The following USP40 variants were observed in gnomAD, a reference collection of about 807,000 sequenced individuals.
The protein encoded by USP40 is ubiquitin specific peptidase 40, also known as ubiquitin carboxyl-terminal hydrolase 40.
Under a neutral mutation model 166.2 loss-of-function variants are expected in USP40, and 143 were observed. That is an observed-to-expected ratio of 0.86 (90% CI 0.75 to 0.99). The LOEUF (loss-of-function observed/expected upper bound fraction) is 0.99, where lower values mean the gene tolerates loss of function less well. Ranked by LOEUF, USP40 falls within the 50% of genes least tolerant of loss-of-function variation. The pLI is 0.00. For missense variants in USP40, 1,444 were observed against 1,479.7 expected (o/e 0.98, Z 0.40); for synonymous variants, 498 against 524.0 (o/e 0.95, Z 0.68).
At chr2:233,499,946 T>C in intron 21 of USP40, 31 bp from the exon 22 acceptor site, 1 of 1,602,498 alleles carries the variant, frequency 6.2e-7, no homozygotes, top group African/African-American at 1.3e-5. Flanking sequence ...CAATGTTAGT[T>C]TTCTGTTTCT....
chr2:233,506,780 A>G (rs2066447808), intron 21 of USP40, among the ~76,000 whole-genome samples: 1 of 151,058 alleles, frequency 6.6e-6, no homozygotes. Flanking sequence ...GCATAGTAGC[A>G]TATACCTGCG....
At chr2:233,504,017 T>C (rs1306557057) in intron 21 of USP40, among the ~76,000 whole-genome samples, 1 of 152,004 alleles carries the variant, frequency 6.6e-6, no homozygotes, top group Non-Finnish European at 1.5e-5. Context: ...AAAATATAAA[T>C]TGTAGAGGGA....
In USP40 at chr2:233,556,933, G is replaced by A; in HGVS notation, c.468C>T (p.Asp156=). ...ETSLVGTSGH[D]LIYRLYHGTI... ...TTCCATGGTACAGACGATAGATGAG[G>A]TCATGACCGGAGGTCCCAACTAAAG... is the stretch of plus-strand genomic sequence containing the variant. The change falls in exon 5 of 32, where the codon GAC becomes GAT. Residue 156 remains aspartate, a synonymous_variant. Coordinates refer to ENST00000678225, the MANE Select transcript of USP40 (RefSeq NM_001365479.2). 27 of 1,613,950 alleles carry A rather than the reference G, an allele frequency of 1.7e-5. No homozygotes were observed. The highest frequency in any genetic ancestry group is 2.2e-5 in the Non-Finnish European group (26 of 1,179,838).
intron 31 of USP40, 146 bp downstream of exon 31, chr2:233,481,057 G>C: frequency 1.4e-6 from 1 of 690,548 alleles, no homozygotes; most frequent in Middle Eastern, 2.8e-4. Context: ...AACGCAGGGG[G>C]CGGAGAAGGA....
intron 12 of USP40, among the ~76,000 whole-genome samples, chr2:233,528,048 G>A (rs2068186875): frequency 1.3e-5 from 2 of 148,960 alleles, no homozygotes; most frequent in Admixed American, 1.3e-4. Context: ...CTGCGATCTT[G>A]GCTCACTACA....
intron 10 of USP40, among the ~76,000 whole-genome samples, chr2:233,536,877 T>C (rs2068973651): frequency 1.3e-5 from 2 of 151,416 alleles, no homozygotes; most frequent in South Asian, 4.2e-4. Flanking sequence ...TTGTATTAGG[T>C]TTTTTTGTTT....
intron 21 of USP40, among the ~76,000 whole-genome samples, chr2:233,500,611 A>G (rs1290824136): frequency 6.6e-6 from 1 of 152,222 alleles, no homozygotes; most frequent in African/African-American, 2.4e-5. Flanking sequence ...AAAATGGCAA[A>G]AAAAACCCCA....
chr2:233,497,945 C>T (rs950528214), intron 23 of USP40, among the ~76,000 whole-genome samples: 10 of 152,170 alleles, frequency 6.6e-5, no homozygotes, highest in African/African-American at 1.7e-4. Context: ...GGGGAAAGGG[C>T]GGCTGACCAC....
At chr2:233,551,268 G>T in intron 7 of USP40, 108 bp downstream of exon 7, 1 of 1,213,916 alleles carries the variant, frequency 8.2e-7, no homozygotes, top group South Asian at 1.7e-5. Context: ...AATGTCAATG[G>T]TGCCAAGGTT....
Position 233,494,965 on chromosome 2 carries a change from TATATATATATATATACAC to T in USP40, c.2791-1432_2791-1415del, listed in dbSNP as rs1559224455. Among the ~76,000 whole-genome samples the T allele has an allele frequency of 4.8e-3, 352 of 72,670 alleles. 2 individuals are homozygous for T. The highest frequency in any genetic ancestry group is 0.025 in the African/African-American group (328 of 13,256). 47.7% of individuals were successfully genotyped at this position (72,670 alleles called of 152,430 possible). On this transcript the variant is annotated intron_variant, in intron 24 of 31. Transcript: ENST00000678225. Reference sequence around the variant, plus strand: ...ATATATATATATATATTTATATATATATATATATATATATACACACACATAAAAAATAAATAAATAAAT... The same window carrying T: ...ATATATATATATATATTTATATATATACACATAAAAAATAAATAAATAAAT...
chr2:233,505,292 A>G (rs1046648121), intron 21 of USP40, among the ~76,000 whole-genome samples: 2 of 152,142 alleles, frequency 1.3e-5, no homozygotes, highest in Non-Finnish European at 2.9e-5. Context: ...AACTAGAAAC[A>G]TAAGGACAAA....
At chr2:233,511,975 A>C in intron 19 of USP40, 178 bp from the exon 20 acceptor site, 1 of 542,776 alleles carries the variant, frequency 1.8e-6, no homozygotes, top group African/African-American at 1.9e-5. Flanking sequence ...CAATTTCCAT[A>C]CTCTTAAGAT....
intron 17 of USP40, among the ~76,000 whole-genome samples, 194 bp downstream of exon 17, chr2:233,520,797 G>A (rs1204765009): frequency 2.0e-5 from 3 of 152,064 alleles, no homozygotes; most frequent in African/African-American, 7.2e-5. Context: ...ATTTTAAAAG[G>A]CACGTATTTT....
intron 24 of USP40, among the ~76,000 whole-genome samples, chr2:233,496,262 T>C (rs1164318839): frequency 6.6e-6 from 1 of 152,236 alleles, no homozygotes; most frequent in Non-Finnish European, 1.5e-5. Context: ...AAAGTAGTGC[T>C]ATGCGATGCT....
intron 7 of USP40, 130 bp downstream of exon 7, chr2:233,551,246 A>T: frequency 9.8e-7 from 1 of 1,016,420 alleles, no homozygotes; most frequent in Non-Finnish European, 1.4e-6. Context: ...AACAAAGAAT[A>T]GTTTAACTGA....
chr2:233,502,245 A>C (rs1340199230), intron 21 of USP40, among the ~76,000 whole-genome samples: 1 of 152,182 alleles, frequency 6.6e-6, no homozygotes, highest in Non-Finnish European at 1.5e-5. Context: ...GTAAAGTTAA[A>C]AAGGCCAGTA....
At chr2:233,504,337 T>A (rs2066268589) in intron 21 of USP40, among the ~76,000 whole-genome samples, 1 of 151,874 alleles carries the variant, frequency 6.6e-6, no homozygotes, top group Non-Finnish European at 1.5e-5. Context: ...TTAAAAGATA[T>A]AAAAGTGACT....
chr2:233,489,350 C>T lies in USP40; in HGVS notation c.3131+15G>A, dbSNP rs374145374. The stretch of plus-strand genomic sequence containing the variant: ...CAGCAGAGAGGGACAGTGTTGCGTC[C>T]AGCAAGGAACCTACCTGAGTGGCTG... On this transcript the variant is annotated intron_variant, in intron 27 of 31. Coordinates refer to ENST00000678225, the MANE Select transcript of USP40 (RefSeq NM_001365479.2). The T allele has an allele frequency of 3.6e-5, 57 of 1,570,464 alleles. No homozygotes were observed. In the South Asian group the frequency reaches 5.6e-4, roughly 16 times the overall value.
At chr2:233,555,749 C>T (rs547731041) in intron 5 of USP40, among the ~76,000 whole-genome samples, 1 of 151,192 alleles carries the variant, frequency 6.6e-6, no homozygotes, top group South Asian at 2.1e-4. Flanking sequence ...GATTCTCCTG[C>T]CTCAGCATCC....
Sources: gnomAD v4.1 joint callset for allele counts (sites outside exome capture counted in the v4.1 genomes callset) on GRCh38, gnomAD v4.1.1 for gene constraint, MANE v1.5 for transcripts, NCBI Gene and HGNC (gene_info 2026-07-23, HGNC 2026-07-21) for gene names.